The following AKT3 variants were observed in gnomAD, a reference collection of about 807,000 sequenced individuals.
AKT3 encodes RAC-gamma serine/threonine-protein kinase.
In AKT3, 15 loss-of-function variants were observed where a neutral mutation model predicts 65.3. That is an observed-to-expected ratio of 0.23 (90% CI 0.15 to 0.35). The LOEUF is 0.35. AKT3 is among the 10% of genes least tolerant of loss of function. AKT3 has a pLI of 1.00. For synonymous variants in AKT3, 206 were observed against 183.8 expected (o/e 1.12, Z -0.98); for missense variants, 243 against 576.5 (o/e 0.42, Z 5.92).
intron 12 of AKT3, among the ~76,000 whole-genome samples, chr1:243,526,380 G>A (rs1275345799): frequency 6.6e-6 from 1 of 152,152 alleles, no homozygotes; most frequent in African/African-American, 2.4e-5. Context: ...CTAACAGGAT[G>A]CAGGAGGAGG....
intron 2 of AKT3, among the ~76,000 whole-genome samples, chr1:243,804,473 T>A (rs1386411170): frequency 6.6e-6 from 1 of 152,204 alleles, no homozygotes; most frequent in Non-Finnish European, 1.5e-5. Context: ...TAAATCTAGC[T>A]AACAAATGCA....
chr1:243,632,492 T>A (rs1399783428), intron 6 of AKT3, among the ~76,000 whole-genome samples: 1 of 152,184 alleles, frequency 6.6e-6, no homozygotes, highest in African/African-American at 2.4e-5. Flanking sequence ...GCTTTACTGA[T>A]AAGAGAACAG....
Position 243,592,372 on chromosome 1 carries a change from A to C in AKT3, c.697-19324T>G, listed in dbSNP as rs1209449021. ...GACAAAAAACAAACAAACAAACAAA[A>C]AACCCTAAGCCAAAGAACTGTGAAG... On this transcript the variant is annotated intron_variant, in intron 8 of 13. Transcript: ENST00000673466. Among the ~76,000 whole-genome samples the C allele has an allele frequency of 2.0e-5, 3 of 152,066 alleles. No homozygotes were observed. The South Asian group carries it at 6.2e-4, about 31-fold the overall frequency.
intron 8 of AKT3, among the ~76,000 whole-genome samples, chr1:243,601,998 T>A (rs1053681593): frequency 6.6e-6 from 1 of 152,178 alleles, no homozygotes; most frequent in Non-Finnish European, 1.5e-5. Context: ...GAAATGGCCA[T>A]GCTCTGCCAT....
chr1:243,622,927 T>C (rs989744551), intron 6 of AKT3, among the ~76,000 whole-genome samples: 2 of 152,142 alleles, frequency 1.3e-5, no homozygotes, highest in Admixed American at 6.5e-5. Context: ...AGCAAACGCA[T>C]TGGGTTATTT....
intron 12 of AKT3, among the ~76,000 whole-genome samples, chr1:243,525,227 C>T (rs1670967766): frequency 1.3e-5 from 2 of 152,082 alleles, no homozygotes; most frequent in African/African-American, 4.8e-5. Flanking sequence ...AAAAAGAAAG[C>T]GTTTGCAGTT....
At chr1:243,605,507 A>G (rs796615955) in intron 8 of AKT3, among the ~76,000 whole-genome samples, 8 of 152,338 alleles carry the variant, frequency 5.3e-5, no homozygotes, top group African/African-American at 1.9e-4. Context: ...GTCACTCTGT[A>G]AATACACTCA....
chr1:243,764,574 T>C (rs934355607), intron 2 of AKT3, among the ~76,000 whole-genome samples: 1 of 152,134 alleles, frequency 6.6e-6, no homozygotes, highest in Non-Finnish European at 1.5e-5. Context: ...ACCATATTCC[T>C]ATTAACATTT....
chr1:243,665,362 G>T (rs886272406), intron 3 of AKT3, among the ~76,000 whole-genome samples: 1 of 152,000 alleles, frequency 6.6e-6, no homozygotes, highest in African/African-American at 2.4e-5. Flanking sequence ...ACTTACCATA[G>T]ACTATCTTAC....
At chr1:243,686,651 A>ATATATATATATATATATAAT (rs1475559883) in intron 3 of AKT3, among the ~76,000 whole-genome samples, 1 of 23,518 alleles carries the variant, frequency 4.3e-5, no homozygotes, top group African/African-American at 1.6e-4. Flanking sequence ...ATATATATAT[A>ATATATATATATATATATAAT]TTTTTTTTTT....
chr1:243,505,146 G>C lies in AKT3; in HGVS notation c.*103C>G. ...GGACCCTTGGCTGGTCTGGGATGTCGGAAGGTGCCCCTGCTATGTGTAAGA... is the reference window on the plus strand; with the variant it reads ...GGACCCTTGGCTGGTCTGGGATGTCCGAAGGTGCCCCTGCTATGTGTAAGA... On this transcript the variant is annotated 3_prime_UTR_variant, in exon 14 of 14. Transcript: ENST00000673466. 2 of 1,076,674 alleles carry C rather than the reference G, an allele frequency of 1.9e-6. No homozygotes were observed. Among genetic ancestry groups the C allele is most frequent in the East Asian group, 2.5e-5 (1 of 40,542 alleles). 66.7% of individuals were successfully genotyped at this position (1,076,674 alleles called of 1,614,324 possible).
At chr1:243,528,394 G>T (rs945954956) in intron 12 of AKT3, among the ~76,000 whole-genome samples, 23 of 152,134 alleles carry the variant, frequency 1.5e-4, no homozygotes, top group Admixed American at 6.5e-5. Flanking sequence ...TCATGGGGGG[G>T]TTTGGTGTAC....
At chr1:243,828,291 G>C (rs1468548460) in intron 2 of AKT3, among the ~76,000 whole-genome samples, 1 of 152,070 alleles carries the variant, frequency 6.6e-6, no homozygotes, top group Non-Finnish European at 1.5e-5. Context: ...CCCATATAAA[G>C]TAGGCACTTT....
At chr1:243,818,942 G>C (rs1693693745) in intron 2 of AKT3, among the ~76,000 whole-genome samples, 1 of 152,210 alleles carries the variant, frequency 6.6e-6, no homozygotes, top group South Asian at 2.1e-4. Context: ...CCCACCCTCA[G>C]CCAAGGGAGG....
At chr1:243,555,131 A>G (rs1558611851) in intron 10 of AKT3, among the ~76,000 whole-genome samples, 1 of 152,192 alleles carries the variant, frequency 6.6e-6, no homozygotes, top group Non-Finnish European at 1.5e-5. Context: ...TAATGCTATA[A>G]TTAGAACTGT....
At chr1:243,687,554 C>T (rs1684407095) in intron 3 of AKT3, 1 of 151,748 alleles carries the variant, frequency 6.6e-6, no homozygotes, top group African/African-American at 2.4e-5. Flanking sequence ...CCCCTGGCAG[C>T]TGGATTTGAA....
intron 8 of AKT3, among the ~76,000 whole-genome samples, chr1:243,600,533 G>C (rs1424049498): frequency 5.9e-5 from 9 of 152,014 alleles, no homozygotes; most frequent in Non-Finnish European, 1.0e-4. Flanking sequence ...TTTTTGACAA[G>C]GGTACCAAAT....
chr1:243,788,848 T>C (rs73128287), intron 2 of AKT3: 1 of 152,152 alleles, frequency 6.6e-6, no homozygotes, highest in Non-Finnish European at 1.5e-5. Context: ...ACAATAAAGT[T>C]TGCCACATCA....
chr1:243,492,239 T>C (rs974393083), intron 13 of AKT3, among the ~76,000 whole-genome samples: 4 of 150,960 alleles, frequency 2.6e-5, no homozygotes, highest in South Asian at 4.2e-4. Flanking sequence ...TCCCCGGCGC[T>C]GTCTGCGGTG....
Sources: gnomAD v4.1 joint callset for allele counts (sites outside exome capture counted in the v4.1 genomes callset) on GRCh38, gnomAD v4.1.1 for gene constraint, MANE v1.5 for transcripts, NCBI Gene and HGNC (gene_info 2026-07-23, HGNC 2026-07-21) for gene names.